The following KCNB2 variants were observed in gnomAD, a reference collection of about 807,000 sequenced individuals.
KCNB2 encodes the protein delayed rectifier potassium channel protein.
KCNB2 carries 15 observed loss-of-function variants against 61.5 expected under a neutral mutation model. That is an observed-to-expected ratio of 0.24 (90% CI 0.16 to 0.38). The LOEUF (loss-of-function observed/expected upper bound fraction) is 0.38. Among genes scored for constraint, KCNB2 ranks in the 10% least tolerant of loss-of-function variants. The pLI is 1.00. For missense variants in KCNB2, 828 were observed against 1,125.2 expected (o/e 0.74, Z 3.78); for synonymous variants, 457 against 446.0 (o/e 1.02, Z -0.31).
chr8:72,838,573 C>T (rs1215011850), intron 2 of KCNB2, among the ~76,000 whole-genome samples: 1 of 152,168 alleles, frequency 6.6e-6, no homozygotes, highest in Admixed American at 6.5e-5. Context: ...AATAAACATA[C>T]GTGTGCATGT....
intron 2 of KCNB2, among the ~76,000 whole-genome samples, chr8:72,641,972 T>A (rs148300540): frequency 2.2e-4 from 34 of 152,302 alleles, no homozygotes; most frequent in African/African-American, 7.9e-4. Flanking sequence ...AATTGTCAAC[T>A]ACTTATTAAA....
At chr8:72,814,711 C>A (rs573906945) in intron 2 of KCNB2, among the ~76,000 whole-genome samples, 1 of 152,256 alleles carries the variant, frequency 6.6e-6, no homozygotes, top group African/African-American at 2.4e-5. Context: ...TGATACTAGG[C>A]AAAGTTCTAA....
At chr8:72,631,376 C>T (rs183708082) in intron 2 of KCNB2, among the ~76,000 whole-genome samples, 26 of 152,292 alleles carry the variant, frequency 1.7e-4, no homozygotes, top group African/African-American at 6.0e-4. Flanking sequence ...TCTCTCCTAG[C>T]GTCTGGTGGT....
In KCNB2 at chr8:72,816,384, A is replaced by G. The variant is rs574025537; in HGVS notation, c.580-119551A>G. Among the ~76,000 whole-genome samples, 27 of 152,342 alleles carry G rather than the reference A, an allele frequency of 1.8e-4. No homozygotes were observed. The South Asian group carries it at 5.4e-3, about 30-fold the overall frequency. ...GAAGCAAGGCTGAGGGACCATCTGA[A>G]CAGATAATGAAATAACTGTGAAAGT... On this transcript the variant is annotated intron_variant, in intron 2 of 2. Coordinates refer to ENST00000523207, the MANE Select transcript of KCNB2 (RefSeq NM_004770.3).
At chr8:72,667,002 T>A (rs147817999) in intron 2 of KCNB2, among the ~76,000 whole-genome samples, 1 of 125,600 alleles carries the variant, frequency 8.0e-6, no homozygotes, top group African/African-American at 4.6e-5. Context: ...TGTGTGTGTG[T>A]GTGTGAGAGA....
intron 2 of KCNB2, among the ~76,000 whole-genome samples, chr8:72,580,119 C>A (rs1260078053): frequency 6.6e-6 from 1 of 152,190 alleles, no homozygotes; most frequent in Non-Finnish European, 1.5e-5. Flanking sequence ...CATAAGGTTT[C>A]TGTTGCAACT....
chr8:72,666,190 C>T (rs1359055989), intron 2 of KCNB2, among the ~76,000 whole-genome samples: 3 of 152,164 alleles, frequency 2.0e-5, no homozygotes, highest in Admixed American at 2.0e-4. Context: ...AATAACAATG[C>T]AATTAATACA....
chr8:72,772,238 G>A (rs1204611798), intron 2 of KCNB2, among the ~76,000 whole-genome samples: 2 of 152,156 alleles, frequency 1.3e-5, no homozygotes, highest in Non-Finnish European at 2.9e-5. Context: ...GTACCCACAG[G>A]CGTGAGTTAA....
At chr8:72,648,134 T>C (rs1481904650) in intron 2 of KCNB2, among the ~76,000 whole-genome samples, 1 of 152,050 alleles carries the variant, frequency 6.6e-6, no homozygotes, top group Non-Finnish European at 1.5e-5. Context: ...AGTGCAGAGG[T>C]GTGAATGTTC....
intron 2 of KCNB2, among the ~76,000 whole-genome samples, chr8:72,638,782 C>G (rs1230584996): frequency 6.6e-6 from 1 of 152,094 alleles, no homozygotes; most frequent in Non-Finnish European, 1.5e-5. Flanking sequence ...GTTAGGTGAC[C>G]TGCTAAGCAT....
At chr8:72,582,107 C>G (rs1034794067) in intron 2 of KCNB2, among the ~76,000 whole-genome samples, 1 of 152,162 alleles carries the variant, frequency 6.6e-6, no homozygotes, top group African/African-American at 2.4e-5. Flanking sequence ...ACACAACACC[C>G]CCACATATAA....
At chr8:72,555,296 T>C (rs1176537945) in intron 1 of KCNB2, among the ~76,000 whole-genome samples, 1 of 151,322 alleles carries the variant, frequency 6.6e-6, no homozygotes, top group African/African-American at 2.4e-5. Context: ...TAATATTTGG[T>C]AGGTGATGAA....
At chr8:72,782,986 A>G (rs1435177266) in intron 2 of KCNB2, among the ~76,000 whole-genome samples, 1 of 152,188 alleles carries the variant, frequency 6.6e-6, no homozygotes, top group Non-Finnish European at 1.5e-5. Context: ...ATTCAGAGCT[A>G]ATTAGAGTTG....
At chr8:72,732,279 G>T (rs1399466437) in intron 2 of KCNB2, among the ~76,000 whole-genome samples, 2 of 152,174 alleles carry the variant, frequency 1.3e-5, no homozygotes, top group Admixed American at 1.3e-4. Context: ...TCCTTAGCTA[G>T]AACCTGTGAG....
At chr8:72,623,293 G>T (rs2128984367) in intron 2 of KCNB2, among the ~76,000 whole-genome samples, 1 of 152,250 alleles carries the variant, frequency 6.6e-6, no homozygotes, top group South Asian at 2.1e-4. Context: ...GGCACTTCTT[G>T]CTATTTGCCT....
At chr8:72,831,249 T>G (rs1169294555) in intron 2 of KCNB2, among the ~76,000 whole-genome samples, 1 of 152,242 alleles carries the variant, frequency 6.6e-6, no homozygotes, top group Non-Finnish European at 1.5e-5. Context: ...TTACCTCATT[T>G]ATACTTGTAT....
chr8:72,709,832 G>C (rs1356711929), intron 2 of KCNB2, among the ~76,000 whole-genome samples: 1 of 152,024 alleles, frequency 6.6e-6, no homozygotes, highest in Admixed American at 6.6e-5. Flanking sequence ...GTCAAGCATG[G>C]CTCTGTTTCA....
At chr8:72,784,399 T>C (rs970063279) in intron 2 of KCNB2, among the ~76,000 whole-genome samples, 3 of 152,146 alleles carry the variant, frequency 2.0e-5, no homozygotes, top group Non-Finnish European at 4.4e-5. Flanking sequence ...CAATGTTGTA[T>C]CATTATTTGT....
At chr8:72,678,297 A>G (rs1806694983) in intron 2 of KCNB2, among the ~76,000 whole-genome samples, 1 of 152,134 alleles carries the variant, frequency 6.6e-6, no homozygotes, top group Non-Finnish European at 1.5e-5. Context: ...GCTGCCTGGG[A>G]GATCCTTTTA....
Sources: gnomAD v4.1 joint callset for allele counts (sites outside exome capture counted in the v4.1 genomes callset) on GRCh38, gnomAD v4.1.1 for gene constraint, MANE v1.5 for transcripts, NCBI Gene and HGNC (gene_info 2026-07-23, HGNC 2026-07-21) for gene names.